The following ALK variants were observed in gnomAD, a reference collection of about 807,000 sequenced individuals.
ALK encodes ALK receptor tyrosine kinase.
Under a neutral mutation model 163.1 loss-of-function variants are expected in ALK, and 74 were observed. The observed-to-expected ratio is 0.45, with a 90% CI of 0.38 to 0.55. The LOEUF (loss-of-function observed/expected upper bound fraction) is 0.55, where lower values mean the gene tolerates loss of function less well. Among genes scored for constraint, ALK ranks in the 20% least tolerant of loss-of-function variants. The pLI is 0.00. For missense variants in ALK, 2,063 were observed against 2,105.3 expected, an observed-to-expected ratio of 0.98 and a Z score of 0.39; for synonymous variants, 960 against 843.2, an observed-to-expected ratio of 1.14 and a Z score of -2.40.
chr2:29,799,196 ATT>A (rs1158149517), intron 1 of ALK, among the ~76,000 whole-genome samples: 2 of 152,160 alleles, frequency 1.3e-5, no homozygotes, highest in Non-Finnish European at 2.9e-5. Context: ...CTTCTCTATC[ATT>A]TGTTTCCACT....
intron 3 of ALK, among the ~76,000 whole-genome samples, chr2:29,636,649 G>A (rs1366390831): frequency 2.0e-5 from 3 of 152,102 alleles, no homozygotes; most frequent in African/African-American, 7.2e-5. Context: ...CCTGTTTATA[G>A]GATGAAAAGA....
intron 26 of ALK, among the ~76,000 whole-genome samples, chr2:29,199,445 T>C (rs1408932855): frequency 1.3e-5 from 2 of 152,200 alleles, no homozygotes; most frequent in African/African-American, 2.4e-5. Flanking sequence ...TTAAATCTAG[T>C]TGGAATTTAA....
chr2:29,320,915 C>G (rs1667021369), intron 6 of ALK, 33 bp from the exon 7 acceptor site: 1 of 1,613,910 alleles, frequency 6.2e-7, no homozygotes, highest in South Asian at 1.1e-5. Flanking sequence ...CCATCATTTT[C>G]AGGACCACTA....
intron 3 of ALK, among the ~76,000 whole-genome samples, chr2:29,567,446 T>C (rs1032322964): frequency 6.6e-6 from 1 of 152,224 alleles, no homozygotes; most frequent in African/African-American, 2.4e-5. Context: ...AGACCTGTCC[T>C]GTGCTTGGCA....
At chr2:29,914,677 G>A (rs1667786218) in intron 1 of ALK, among the ~76,000 whole-genome samples, 1 of 152,132 alleles carries the variant, frequency 6.6e-6, no homozygotes. Flanking sequence ...TGATAAAGCT[G>A]GGCCTCAATG....
chr2:29,511,183 T>C (rs1402796338), intron 4 of ALK, among the ~76,000 whole-genome samples: 1 of 152,174 alleles, frequency 6.6e-6, no homozygotes, highest in Non-Finnish European at 1.5e-5. Flanking sequence ...TGAGTTTTAA[T>C]AGTTGTTACA....
At chr2:29,570,336 G>A (rs1429388439) in intron 3 of ALK, among the ~76,000 whole-genome samples, 2 of 152,252 alleles carry the variant, frequency 1.3e-5, no homozygotes, top group East Asian at 3.9e-4. Context: ...TGATAAGTGT[G>A]TATGTAGTCA....
intron 11 of ALK, among the ~76,000 whole-genome samples, chr2:29,269,921 C>G (rs1032934893): frequency 6.6e-6 from 1 of 152,246 alleles, no homozygotes; most frequent in African/African-American, 2.4e-5. Flanking sequence ...TGCGTGGGAA[C>G]ACTGCCTGCC....
chr2:29,392,024 TG>T (rs151255656), intron 4 of ALK, among the ~76,000 whole-genome samples: 12,480 of 152,280 alleles, frequency 0.082, 735 homozygotes, highest in East Asian at 0.32. Flanking sequence ...TAGCGGATGC[TG>T]TTGTTATTAT....
chr2:29,434,260 T>G (rs1028640444), intron 4 of ALK, among the ~76,000 whole-genome samples: 1 of 152,216 alleles, frequency 6.6e-6, no homozygotes, highest in African/African-American at 2.4e-5. Flanking sequence ...TATTGTCCTT[T>G]GGATGGAAGA....
rs566477071 is a variant in ALK at position 29,566,168 on chromosome 2, AT to A, written c.953-34053del. Among the ~76,000 whole-genome samples the A allele has an allele frequency of 2.0e-5, 3 of 152,272 alleles. No individual in the cohort carries two copies. In the South Asian group the frequency reaches 6.2e-4, roughly 32 times the overall value. On this transcript the variant is annotated intron_variant, in intron 3 of 28. Coordinates refer to ENST00000389048, the MANE Select transcript of ALK (RefSeq NM_004304.5). ...CCTGGATCACTTTATGAGCGGTCCA[AT>A]TTATTTCTGCATGTTCGCGAGGGCC... is the stretch of plus-strand genomic sequence containing the variant.
intron 7 of ALK, among the ~76,000 whole-genome samples, chr2:29,320,246 C>G (rs564754935): frequency 4.3e-4 from 65 of 152,264 alleles, no homozygotes; most frequent in African/African-American, 1.4e-3. Flanking sequence ...ACAGGCATTA[C>G]TAGCTTAAAT....
chr2:29,690,651 C>G (rs999843971), intron 3 of ALK, among the ~76,000 whole-genome samples: 1 of 152,136 alleles, frequency 6.6e-6, no homozygotes, highest in African/African-American at 2.4e-5. Flanking sequence ...ATATTATGTT[C>G]CATCAAAATG....
chr2:29,621,238 G>T (rs577488191), intron 3 of ALK, among the ~76,000 whole-genome samples: 1 of 150,770 alleles, frequency 6.6e-6, no homozygotes, highest in Non-Finnish European at 1.5e-5. Flanking sequence ...TTTCTGAGGT[G>T]AGAAAAAAAA....
At chr2:29,258,860 T>C (rs1665015752) in intron 11 of ALK, among the ~76,000 whole-genome samples, 1 of 152,218 alleles carries the variant, frequency 6.6e-6, no homozygotes, top group Non-Finnish European at 1.5e-5. Flanking sequence ...TTTAAGTACA[T>C]ATTCTGGGTG....
intron 3 of ALK, among the ~76,000 whole-genome samples, chr2:29,533,961 T>G (rs1365930403): frequency 6.6e-6 from 1 of 152,016 alleles, no homozygotes; most frequent in Non-Finnish European, 1.5e-5. Flanking sequence ...ACAAAGATAC[T>G]GGCAGAATGG....
At chr2:29,355,478 C>G (rs140180184) in intron 5 of ALK, among the ~76,000 whole-genome samples, 1 of 152,016 alleles carries the variant, frequency 6.6e-6, no homozygotes, top group Non-Finnish European at 1.5e-5. Flanking sequence ...CACATACACA[C>G]CCACCACACA....
intron 3 of ALK, among the ~76,000 whole-genome samples, chr2:29,655,505 G>A (rs954028): frequency 0.11 from 16,673 of 152,200 alleles, 1,995 homozygotes; most frequent in African/African-American, 0.3. Flanking sequence ...TAACAACAGA[G>A]TGCATGAGGA....
rs77053831 is a variant in ALK, at chr2:29,458,900, G to A, written c.1154+73015C>T. Among the ~76,000 whole-genome samples the A allele has an allele frequency of 8.2e-3, 1,245 of 152,196 alleles. 14 individuals carry two copies. The highest frequency in any genetic ancestry group is 0.027 in the African/African-American group (1,117 of 41,518). ...CTGATACTCCCAAATGCCCATTGTA[G>A]GTGCACATCTACCCAAGAACACCTG... On this transcript the variant is annotated intron_variant, in intron 4 of 28. Transcript: ENST00000389048.
Sources: gnomAD v4.1 joint callset for allele counts (sites outside exome capture counted in the v4.1 genomes callset) on GRCh38, gnomAD v4.1.1 for gene constraint, MANE v1.5 for transcripts, NCBI Gene and HGNC (gene_info 2026-07-23, HGNC 2026-07-21) for gene names.